Variants in PXN observed in about 807,000 individuals in gnomAD.
PXN encodes testicular tissue protein Li 134.
Under a neutral mutation model 103.6 loss-of-function variants are expected in PXN, and 61 were observed. The ratio of observed to expected loss-of-function variants is 0.59; its 90% CI spans 0.48 to 0.73. PXN has a LOEUF of 0.73. Ranked by LOEUF, PXN falls within the 30% of genes least tolerant of loss-of-function variation. The pLI is 0.00. For synonymous variants in PXN, 562 were observed against 607.8 expected, an observed-to-expected ratio of 0.92 and a Z score of 1.11; for missense variants, 1,274 against 1,460.3, an observed-to-expected ratio of 0.87 and a Z score of 2.08.
chr12:120,262,978 G>A (rs1894106336), intron 1 of PXN, among the ~76,000 whole-genome samples: 1 of 152,114 alleles, frequency 6.6e-6, no homozygotes, highest in African/African-American at 2.4e-5. Flanking sequence ...TCTGTCATTG[G>A]CAACTATGGG....
At chr12:120,223,561 C>T (rs931182962) in intron 3 of PXN, among the ~76,000 whole-genome samples, 157 bp downstream of exon 3, 1 of 152,034 alleles carries the variant, frequency 6.6e-6, no homozygotes, top group Non-Finnish European at 1.5e-5. Context: ...ATGAGGTAGA[C>T]GGGCCCACCG....
In PXN at chr12:120,222,438, T is replaced by C. The variant is rs2136298138; in HGVS notation, c.695+111A>G. The C allele has an allele frequency of 8.1e-7, 1 of 1,236,756 alleles. No homozygotes were observed. Among genetic ancestry groups the C allele is most frequent in the Non-Finnish European group, 1.1e-6 (1 of 906,192 alleles). The allele number at this position is 1,236,756 out of a possible 1,614,324, so 76.6% of individuals were successfully genotyped here. A position where few individuals can be genotyped will look rare whatever the true frequency, so the allele number is the denominator to read the frequency against. On this transcript the variant is annotated intron_variant, in intron 5 of 14. Coordinates refer to ENST00000637617, the MANE Select transcript of PXN (RefSeq NM_001385981.1). The surrounding 1 kb of genome is among the most constrained non-coding windows in gnomAD (Gnocchi z 4.7). ...CACTATCCCCCCAGTGCCTGGCAAATGGCAGACACGGGAGGGAGTGGGTGA... is the reference window on the plus strand; with the variant it reads ...CACTATCCCCCCAGTGCCTGGCAAACGGCAGACACGGGAGGGAGTGGGTGA...
In PXN at chr12:120,212,564, A is replaced by C; in HGVS notation, c.2996T>G (p.Phe999Cys). 1.2e-6 allele frequency: 2 copies of C among 1,613,032 alleles called. No individual in the cohort carries two copies. The highest frequency in any genetic ancestry group is 1.7e-6 in the Non-Finnish European group (2 of 1,179,398). The change falls in exon 15 of 15, where the codon TTC becomes TGC. Residue 999 changes from phenylalanine (F) to cysteine (C), a missense_variant. This residue lies in a region of PXN where 96 missense variants were observed against 151.3 expected (regional missense o/e 0.63). Transcript: ENST00000637617. This position sits in a 1 kb window ranked among gnomAD's most constrained non-coding sequence, Gnocchi z 7.2. ...GTGCTCGAAGAAGCTGCCGTTCACG[A>C]ATGGCGTGAAGCATTCCTGCCAGGC... is the stretch of plus-strand genomic sequence containing the variant. The part of the protein sequence containing the change: ...CFVCRECFTP[F>C]VNGSFFEHDG...
rs552143169 is a variant in PXN at position 120,216,824 on chromosome 12, G to A, written c.1992+17C>T. On this transcript the variant is annotated intron_variant, in intron 8 of 14. Coordinates refer to ENST00000637617, the MANE Select transcript of PXN (RefSeq NM_001385981.1). The surrounding 1 kb of genome is among the most constrained non-coding windows in gnomAD (Gnocchi z 5.1). ...TTGGCTCTGGCCCAGCCCCAGCCAT[G>A]GGCATCTCCTCGCCACCTTCTCTAC... 2 of 1,550,222 alleles carry A rather than the reference G, an allele frequency of 1.3e-6. No homozygotes were observed. The highest frequency in any genetic ancestry group is 2.1e-5 in the Admixed American group (1 of 47,966).
chr12:120,226,319 A>G (rs1352535386), intron 1 of PXN: 1 of 1,289,104 alleles, frequency 7.8e-7, no homozygotes, highest in East Asian at 5.5e-5. Flanking sequence ...AGCAGCTGCC[A>G]TCCTTGAAGG....
In PXN at chr12:120,215,862, G is replaced by A. The variant is rs1566361242; in HGVS notation, c.2302-201C>T. ...CTAGGGAGAAAGGAAGAAGGACAGG[G>A]AGGGGAGTCGACCAAAGGCAGAGGA... is the stretch of plus-strand genomic sequence containing the variant. On this transcript the variant is annotated intron_variant, in intron 9 of 14. Coordinates refer to ENST00000637617, the MANE Select transcript of PXN (RefSeq NM_001385981.1). This position sits in a 1 kb window ranked among gnomAD's most constrained non-coding sequence, Gnocchi z 4.9. 1.5e-6 allele frequency: 2 copies of A among 1,311,634 alleles called. No homozygotes were observed. Among genetic ancestry groups the A allele is most frequent in the South Asian group, 1.8e-5 (1 of 55,842 alleles). 81.2% of individuals were successfully genotyped at this position (1,311,634 alleles called of 1,614,324 possible). A position where few individuals can be genotyped will look rare whatever the true frequency, so the allele number is the denominator to read the frequency against.
At chr12:120,238,525 G>T (rs1261655057) in intron 1 of PXN, among the ~76,000 whole-genome samples, 1 of 152,202 alleles carries the variant, frequency 6.6e-6, no homozygotes, top group African/African-American at 2.4e-5. Flanking sequence ...GGATTTTATT[G>T]CAGGAGACAC....
Position 120,224,696 on chromosome 12 carries a change from C to T in PXN, c.14-319G>A, listed in dbSNP as rs1427065175. On this transcript the variant is annotated intron_variant, in intron 1 of 14. Coordinates refer to ENST00000637617, the MANE Select transcript of PXN (RefSeq NM_001385981.1). This position sits in a 1 kb window ranked among gnomAD's most constrained non-coding sequence, Gnocchi z 5.0. ...TTCCCTCCTGACAGGGCCGCGCAGC[C>T]GCGAGTGAAGTGCCTGTCTGGAACT... The T allele has an allele frequency of 1.5e-5, 9 of 598,272 alleles. No individual in the cohort carries two copies. Among genetic ancestry groups the T allele is most frequent in the South Asian group, 4.6e-5 (3 of 65,888 alleles). The allele number at this position is 598,272 out of a possible 1,614,324, so 37.1% of individuals were successfully genotyped here.
At chr12:120,231,148 T>TC (rs1278022269) in intron 1 of PXN, among the ~76,000 whole-genome samples, 1 of 152,188 alleles carries the variant, frequency 6.6e-6, no homozygotes, top group Non-Finnish European at 1.5e-5. Context: ...CAGCGGATCC[T>TC]CTAACCTCTC....
chr12:120,256,239 C>T (rs1057260385), intron 1 of PXN, among the ~76,000 whole-genome samples: 3 of 151,710 alleles, frequency 2.0e-5, no homozygotes, highest in African/African-American at 7.3e-5. Flanking sequence ...AATGAGACTC[C>T]GGCTGTATAA....
At chr12:120,262,690 G>A (rs540249060) in intron 1 of PXN, among the ~76,000 whole-genome samples, 74 of 152,294 alleles carry the variant, frequency 4.9e-4, no homozygotes, top group Non-Finnish European at 7.1e-4. Context: ...AGTACACTGA[G>A]AACATGAACA....
Position 120,216,028 on chromosome 12 carries a change from G to C in PXN, c.2301+245C>G. On this transcript the variant is annotated intron_variant, in intron 9 of 14. Coordinates refer to ENST00000637617, the MANE Select transcript of PXN (RefSeq NM_001385981.1). This position sits in a 1 kb window ranked among gnomAD's most constrained non-coding sequence, Gnocchi z 5.1. ...GATGGGAGCCCGGGGCAGTACTGAG[G>C]ACCAGTCGAGGAAGGAGCAGACATG... is the stretch of plus-strand genomic sequence containing the variant. 1.1e-5 allele frequency: 14 copies of C among 1,333,286 alleles called. No individual in the cohort carries two copies. The highest frequency in any genetic ancestry group is 1.3e-5 in the Non-Finnish European group (14 of 1,043,670). 82.6% of individuals were successfully genotyped at this position (1,333,286 alleles called of 1,614,324 possible).
Position 120,215,873 on chromosome 12 carries a change from A to G in PXN, c.2302-212T>C. 1.5e-6 allele frequency: 2 copies of G among 1,340,784 alleles called. No homozygotes were observed. Among genetic ancestry groups the G allele is most frequent in the Non-Finnish European group, 1.9e-6 (2 of 1,028,680 alleles). 83.1% of individuals were successfully genotyped at this position (1,340,784 alleles called of 1,614,324 possible). ...GGAAGAAGGACAGGGAGGGGAGTCG[A>G]CCAAAGGCAGAGGAAATGGCAAGGG... On this transcript the variant is annotated intron_variant, in intron 9 of 14. Transcript: ENST00000637617. The surrounding 1 kb of genome is among the most constrained non-coding windows in gnomAD (Gnocchi z 4.9).
Position 120,259,359 on chromosome 12 carries a change from T to G in PXN, c.13+6258A>C, listed in dbSNP as rs1287834126. 9.2e-5 allele frequency among the ~76,000 whole-genome samples: 14 copies of G among 152,086 alleles called. No individual in the cohort carries two copies. In the South Asian group the frequency reaches 2.9e-3, roughly 32 times the overall value. ...GTGAGCCAAGATCGCGCTGCTGCAC[T>G]CCAGCCTGGGTGACAGGGCAAGACT... On this transcript the variant is annotated intron_variant, in intron 1 of 14. Coordinates refer to ENST00000637617, the MANE Select transcript of PXN (RefSeq NM_001385981.1).
At chr12:120,263,457 T>C (rs1443128575) in intron 1 of PXN, among the ~76,000 whole-genome samples, 1 of 152,088 alleles carries the variant, frequency 6.6e-6, no homozygotes, top group Non-Finnish European at 1.5e-5. Context: ...CTCCTTCAAG[T>C]GCCCTTGCCT....
Position 120,214,087 on chromosome 12 carries a change from C to T in PXN, c.2830+49G>A, listed in dbSNP as rs1286634192. 4.5e-6 allele frequency: 7 copies of T among 1,559,314 alleles called. No homozygotes were observed. Among genetic ancestry groups the T allele is most frequent in the Non-Finnish European group, 6.1e-6 (7 of 1,152,046 alleles). ...CAGCAGCGTCTCCCACCCCCACCTC[C>T]CCGGCCCTCCTAAGAGGCGGTGGGT... On this transcript the variant is annotated intron_variant, in intron 13 of 14. Coordinates refer to ENST00000637617, the MANE Select transcript of PXN (RefSeq NM_001385981.1). The surrounding 1 kb of genome is among the most constrained non-coding windows in gnomAD (Gnocchi z 5.0).
rs777575085 is a variant in PXN at position 120,215,608 on chromosome 12, C to T, written c.2355G>A (p.Trp785Ter). ...GGCTGCTCCGCCCGCCGTCCCGAGG[C>T]CAGCCGGCCGCCCAGCACCGCTCCC... ...ADGERCWAAG[W>*]PRDGGRSSPG... Residue 785 changes from tryptophan (W) to a stop codon, truncating the protein, a stop_gained, in exon 10 of 15, where the codon TGG becomes TGA. Coordinates refer to ENST00000637617, the MANE Select transcript of PXN (RefSeq NM_001385981.1). LOFTEE classifies it high-confidence loss of function. The surrounding 1 kb of genome is among the most constrained non-coding windows in gnomAD (Gnocchi z 4.9). 6.2e-7 allele frequency: 1 copy of T among 1,611,094 alleles called. No homozygotes were observed. Among genetic ancestry groups the T allele is most frequent in the South Asian group, 1.1e-5 (1 of 90,986 alleles).
At position 120,215,322 on chromosome 12, in the gene PXN, G is replaced by A. The variant is rs1187502166; in HGVS notation, c.2404-49C>T. The A allele has an allele frequency of 6.5e-7, 1 of 1,545,740 alleles. No individual in the cohort carries two copies. Among genetic ancestry groups the A allele is most frequent in the East Asian group, 2.4e-5 (1 of 41,532 alleles). ...CAGGACTCCTGAGGCTCGGGGTACGGTGTCTGGCAGCACAGGGATGGGGGT... is the reference window on the plus strand; with the variant it reads ...CAGGACTCCTGAGGCTCGGGGTACGATGTCTGGCAGCACAGGGATGGGGGT... On this transcript the variant is annotated intron_variant, in intron 10 of 14. Coordinates refer to ENST00000637617, the MANE Select transcript of PXN (RefSeq NM_001385981.1). This position sits in a 1 kb window ranked among gnomAD's most constrained non-coding sequence, Gnocchi z 4.9.
rs756774852 is a variant in PXN at position 120,216,870 on chromosome 12, T to G, written c.1963A>C (p.Lys655Gln). ...GVIITVQPRG[K>Q]RAGGQLVEKV... ...TCTACGAGCTGCCCCCCGGCCCGCT[T>G]CCCACGTGGCTGCACAGTGATGATG... The change falls in exon 8 of 15, where the codon AAG becomes CAG. Residue 655 changes from lysine (K) to glutamine (Q), a missense_variant. Lys to Gln is a moderately conservative substitution (Grantham distance 53, BLOSUM62 1). This residue lies in a region of PXN where 1,178 missense variants were observed against 1,309.0 expected (regional missense o/e 0.90). Coordinates refer to ENST00000637617, the MANE Select transcript of PXN (RefSeq NM_001385981.1). This position sits in a 1 kb window ranked among gnomAD's most constrained non-coding sequence, Gnocchi z 5.1. 99 of 1,507,636 alleles carry G rather than the reference T, an allele frequency of 6.6e-5. No homozygotes were observed. The highest frequency in any genetic ancestry group is 7.8e-5 in the Non-Finnish European group (89 of 1,137,052). The allele number at this position is 1,507,636 out of a possible 1,614,324, so 93.4% of individuals were successfully genotyped here.
Sources: gnomAD v4.1 joint callset for allele counts (sites outside exome capture counted in the v4.1 genomes callset) on GRCh38, gnomAD v4.1.1 for gene constraint, gnomAD v4.1.1 regional missense constraint, Gnocchi (gnomAD v3.1) non-coding constraint, MANE v1.5 for transcripts, NCBI Gene and HGNC (gene_info 2026-07-23, HGNC 2026-07-21) for gene names.